The following CPM variants were observed in gnomAD, a reference collection of about 807,000 sequenced individuals.
CPM encodes the protein carboxypeptidase M, also known as renal carboxypeptidase.
CPM carries 35 observed loss-of-function variants against 46.4 expected under a neutral mutation model. The ratio of observed to expected loss-of-function variants is 0.75; its 90% CI spans 0.58 to 1.00. CPM has a LOEUF of 1.00. CPM is among the 50% of genes least tolerant of loss of function. The probability of loss-of-function intolerance (pLI) is 0.00; values close to 1 mark genes in which losing one functional copy is unlikely to be tolerated. For missense variants in CPM, 422 were observed against 530.4 expected (o/e 0.80, Z 2.01); for synonymous variants, 195 against 195.3 (o/e 1.00, Z 0.01).
At chr12:68,923,157 TAGAGTGTG>T (rs752392216) in intron 2 of CPM, among the ~76,000 whole-genome samples, 2 of 59,552 alleles carry the variant, frequency 3.4e-5, no homozygotes, top group African/African-American at 1.5e-4. Flanking sequence ...GTATTTGATA[TAGAGTGTG>T]TGTGTGTGTG....
chr12:68,909,852 G>A (rs559241410), intron 2 of CPM, among the ~76,000 whole-genome samples: 37 of 150,706 alleles, frequency 2.5e-4, no homozygotes, highest in African/African-American at 3.7e-4. Flanking sequence ...GGGGGGCTAC[G>A]GGAGGGATAA....
chr12:68,858,066 T>G (rs970083436), intron 8 of CPM, among the ~76,000 whole-genome samples: 1 of 152,212 alleles, frequency 6.6e-6, no homozygotes, highest in East Asian at 1.9e-4. Flanking sequence ...CTGAATTCTA[T>G]AGTTTTATAA....
intron 2 of CPM, among the ~76,000 whole-genome samples, chr12:68,889,859 C>G (rs1886583054): frequency 1.3e-5 from 2 of 152,156 alleles, no homozygotes; most frequent in African/African-American, 4.8e-5. Flanking sequence ...AGAGAGCCGG[C>G]AGGAAGACAC....
Position 68,853,534 on chromosome 12 carries a change from G to A in CPM, c.*2903C>T, listed in dbSNP as rs912525960. On this transcript the variant is annotated 3_prime_UTR_variant, in exon 9 of 9. Coordinates refer to ENST00000551568, the MANE Select transcript of CPM (RefSeq NM_198320.5). ...GTAGAATAAGCTTGGCATAGAAATGGCCTAAATGCTCCTGTAGCTCTTCAT... is the reference window on the plus strand; with the variant it reads ...GTAGAATAAGCTTGGCATAGAAATGACCTAAATGCTCCTGTAGCTCTTCAT... 6.6e-6 allele frequency: 1 copy of A among 152,012 alleles called. No individual in the cohort carries two copies. The highest frequency in any genetic ancestry group is 1.5e-5 in the Non-Finnish European group (1 of 68,022). 9.4% of individuals were successfully genotyped at this position (152,012 alleles called of 1,614,324 possible). A position where few individuals can be genotyped will look rare whatever the true frequency, so the allele number is the denominator to read the frequency against.
chr12:68,958,616 C>T (rs935619241), intron 1 of CPM, among the ~76,000 whole-genome samples: 4 of 152,118 alleles, frequency 2.6e-5, no homozygotes, highest in South Asian at 2.1e-4. Context: ...CATCTTGGTC[C>T]GAGATACCAT....
At chr12:68,951,283 G>T (rs1159946863) in intron 1 of CPM, among the ~76,000 whole-genome samples, 1 of 152,226 alleles carries the variant, frequency 6.6e-6, no homozygotes, top group Non-Finnish European at 1.5e-5. Context: ...CAATGTTTTT[G>T]AGGCTTTCAG....
At chr12:68,938,477 G>A (rs1888707419) in intron 1 of CPM, among the ~76,000 whole-genome samples, 1 of 151,874 alleles carries the variant, frequency 6.6e-6, no homozygotes, top group Non-Finnish European at 1.5e-5. Context: ...CCCTAATGTG[G>A]CACATTTGTT....
At chr12:68,897,671 A>G (rs1292455885) in intron 2 of CPM, among the ~76,000 whole-genome samples, 3 of 142,602 alleles carry the variant, frequency 2.1e-5, no homozygotes, top group Non-Finnish European at 4.5e-5. Flanking sequence ...CGGGAAGCAG[A>G]GGTTGCAGTG....
chr12:68,870,371 G>T lies in CPM; in HGVS notation c.460C>A (p.Arg154=), dbSNP rs770112320. The change falls in exon 5 of 9, where the codon CGA becomes AGA. Residue 154 remains arginine (R), a synonymous_variant. Transcript: ENST00000551568. ...TATTCAAAAGCATCGGGGAAATTTC[G>T]ATTCAAGTCATACTGGTTATAATTT... is the stretch of plus-strand genomic sequence containing the variant. ...RENYNQYDLN[R]NFPDAFEYNN... The T allele has an allele frequency of 1.9e-6, 3 of 1,614,090 alleles. No homozygotes were observed. The highest frequency in any genetic ancestry group is 2.5e-6 in the Non-Finnish European group (3 of 1,179,996).
chr12:68,929,420 G>A (rs965296897), intron 2 of CPM, among the ~76,000 whole-genome samples: 2 of 152,138 alleles, frequency 1.3e-5, no homozygotes, highest in Admixed American at 6.5e-5. Flanking sequence ...AGGATTGAAC[G>A]AACGAACTGA....
intron 7 of CPM, among the ~76,000 whole-genome samples, chr12:68,859,945 T>C (rs1885136403): frequency 1.3e-5 from 2 of 152,124 alleles, no homozygotes; most frequent in Admixed American, 1.3e-4. Flanking sequence ...AAGTCCCCAA[T>C]AACATAAATG....
At chr12:68,944,392 C>G (rs999599387) in intron 1 of CPM, among the ~76,000 whole-genome samples, 7 of 152,090 alleles carry the variant, frequency 4.6e-5, no homozygotes, top group Non-Finnish European at 1.0e-4. Context: ...ATGAGACATA[C>G]TATCAGAACG....
intron 7 of CPM, among the ~76,000 whole-genome samples, chr12:68,859,716 G>A (rs187888833): frequency 1.3e-5 from 2 of 152,216 alleles, no homozygotes; most frequent in African/African-American, 4.8e-5. Context: ...CTAAGGCTCT[G>A]GCTTATTAAA....
chr12:68,938,535 G>A (rs1888708530), intron 1 of CPM, among the ~76,000 whole-genome samples: 1 of 152,052 alleles, frequency 6.6e-6, no homozygotes, highest in Non-Finnish European at 1.5e-5. Flanking sequence ...CATTCTCAGA[G>A]CTAAACCTTT....
intron 1 of CPM, among the ~76,000 whole-genome samples, chr12:68,960,913 G>A (rs77298338): frequency 0.024 from 3,729 of 152,224 alleles, 162 homozygotes; most frequent in African/African-American, 0.084. Flanking sequence ...TATTAATCAT[G>A]ATGATTACCT....
downstream of CPM, chr12:68,846,867 C>G (rs1432026888): frequency 2.0e-5 from 3 of 152,026 alleles, no homozygotes; most frequent in Non-Finnish European, 4.4e-5. Context: ...TGGGGTCTGG[C>G]AGGTAGTAAG....
chr12:68,883,347 A>T (rs10878875), intron 3 of CPM, among the ~76,000 whole-genome samples: 76,297 of 152,072 alleles, frequency 0.5, 19,952 homozygotes, highest in Non-Finnish European at 0.58. Context: ...TCCAATGTTA[A>T]GCCATCACTT....
At chr12:68,904,384 T>C (rs1887249618) in intron 2 of CPM, among the ~76,000 whole-genome samples, 2 of 152,212 alleles carry the variant, frequency 1.3e-5, no homozygotes, top group African/African-American at 4.8e-5. Flanking sequence ...CAGTACATAG[T>C]GGCCAGTCCT....
rs546111721 is a variant in CPM, at chr12:68,882,522, T to C, written c.258+3270A>G. Among the ~76,000 whole-genome samples, 9 of 152,330 alleles carry C rather than the reference T, an allele frequency of 5.9e-5. 1 individual carries two copies. The South Asian group carries it at 1.0e-3, about 18-fold the overall frequency. The stretch of plus-strand genomic sequence containing the variant: ...TTTGCTATTGTGAATAGCGCTGCAA[T>C]GAACATACGTGTGAATGTGTCTTTA... On this transcript the variant is annotated intron_variant, in intron 3 of 8. Transcript: ENST00000551568.
Sources: gnomAD v4.1 joint callset for allele counts (sites outside exome capture counted in the v4.1 genomes callset) on GRCh38, gnomAD v4.1.1 for gene constraint, MANE v1.5 for transcripts, NCBI Gene and HGNC (gene_info 2026-07-23, HGNC 2026-07-21) for gene names.